The following KLHL4 variants were observed in gnomAD, a reference collection of about 807,000 sequenced individuals.
KLHL4 encodes kelch like family member 4.
KLHL4 carries 17 observed loss-of-function variants against 45.8 expected under a neutral mutation model. That is an observed-to-expected ratio of 0.37 (90% CI 0.25 to 0.56). The LOEUF is 0.56. Among genes scored for constraint, KLHL4 ranks in the 20% least tolerant of loss-of-function variants. The probability of loss-of-function intolerance (pLI) is 0.79; values close to 1 mark genes in which losing one functional copy is unlikely to be tolerated. For missense variants in KLHL4, 544 were observed against 544.9 expected (o/e 1.00, Z 0.02); for synonymous variants, 224 against 189.9 (o/e 1.18, Z -1.47).
chrX:87,551,011 C>G (rs1931802188), intron 1 of KLHL4, among the ~76,000 whole-genome samples: 1 of 111,103 alleles, frequency 9.0e-6, no homozygotes, highest in Non-Finnish European at 1.9e-5. Context: ...CCAGAGCAAT[C>G]AGACAAGAGA....
chrX:87,522,916 T>A (rs1411908857), intron 1 of KLHL4, among the ~76,000 whole-genome samples: 1 of 111,794 alleles, frequency 8.9e-6, no homozygotes, highest in Non-Finnish European at 1.9e-5. Context: ...ACGTATATAA[T>A]TAAGTTAACA....
chrX:87,614,863 A>G (rs1430521221), intron 3 of KLHL4, among the ~76,000 whole-genome samples: 4 of 111,146 alleles, frequency 3.6e-5, no homozygotes, highest in African/African-American at 9.8e-5. Context: ...TAACACAAAC[A>G]TACAGGAACA....
intron 9 of KLHL4, among the ~76,000 whole-genome samples, chrX:87,653,382 C>A (rs183528464): frequency 1.8e-5 from 2 of 111,730 alleles, no homozygotes; most frequent in East Asian, 5.7e-4. Flanking sequence ...AAAAAAAGCT[C>A]AACATCACTT....
chrX:87,591,366 A>C (rs182821858), intron 1 of KLHL4, among the ~76,000 whole-genome samples: 1 of 112,253 alleles, frequency 8.9e-6, no homozygotes, highest in Admixed American at 9.5e-5. Flanking sequence ...AAATTTAAGG[A>C]GTACAAGTAC....
Position 87,565,394 on chromosome X carries a change from G to T in KLHL4, c.422+47079G>T, listed in dbSNP as rs1932184747. Among the ~76,000 whole-genome samples, 4 of 111,073 alleles carry T rather than the reference G, an allele frequency of 3.6e-5. No individual in the cohort carries two copies. In the South Asian group the frequency reaches 1.5e-3, roughly 42 times the overall value. On this transcript the variant is annotated intron_variant, in intron 1 of 10. Transcript: ENST00000373119. ...AGTAAAATTGACAAACCTTTAGCTA[G>T]CCTGACCAAGTTAATATGAGAGGCC...
At chrX:87,657,829 C>T (rs148113859) in intron 9 of KLHL4, among the ~76,000 whole-genome samples, 1,773 of 111,850 alleles carry the variant, frequency 0.016, 20 homozygotes, top group Non-Finnish European at 0.024. Context: ...GATGGGGCTG[C>T]ATCAGGCATA....
Position 87,667,195 on chromosome X carries a change from C to T in KLHL4, c.*661C>T. Reference sequence around the variant, plus strand: ...GAGCACACATATAAATTTGGTATTTCTTAACATATTATCTTGTTAGATTTG... The same window carrying T: ...GAGCACACATATAAATTTGGTATTTTTTAACATATTATCTTGTTAGATTTG... On this transcript the variant is annotated 3_prime_UTR_variant, in exon 11 of 11. Coordinates refer to ENST00000373119, the MANE Select transcript of KLHL4 (RefSeq NM_019117.5). The T allele has an allele frequency of 2.7e-6, 2 of 740,943 alleles. No individual in the cohort carries two copies. The highest frequency in any genetic ancestry group is 3.2e-6 in the Non-Finnish European group (2 of 627,502). The allele number at this position is 740,943 out of a possible 1,213,427, so 61.1% of individuals were successfully genotyped here. A position where few individuals can be genotyped will look rare whatever the true frequency, so the allele number is the denominator to read the frequency against.
chrX:87,666,723 C>T lies in KLHL4; in HGVS notation c.*189C>T, dbSNP rs1215510854. On this transcript the variant is annotated 3_prime_UTR_variant, in exon 11 of 11. Transcript: ENST00000373119. Reference sequence around the variant, plus strand: ...CCGAAACGTTTTTAAACATGAATTACATATGAATTATTAAGCATATGTGCT... The same window carrying T: ...CCGAAACGTTTTTAAACATGAATTATATATGAATTATTAAGCATATGTGCT... 2.1e-6 allele frequency: 2 copies of T among 972,037 alleles called. No individual in the cohort carries two copies. The highest frequency in any genetic ancestry group is 4.0e-5 in the East Asian group (1 of 24,707). 80.1% of individuals were successfully genotyped at this position (972,037 alleles called of 1,213,427 possible).
Position 87,655,202 on chromosome X carries a change from A to T in KLHL4, c.1926-9562A>T, listed in dbSNP as rs1227133997. Among the ~76,000 whole-genome samples the T allele has an allele frequency of 3.6e-5, 4 of 111,732 alleles. No individual in the cohort carries two copies. The East Asian group carries it at 1.1e-3, about 32-fold the overall frequency. On this transcript the variant is annotated intron_variant, in intron 9 of 10. Coordinates refer to ENST00000373119, the MANE Select transcript of KLHL4 (RefSeq NM_019117.5). ...TCATTGCCTGTGCTTTTGAGGTCTT[A>T]GTCAGGAATTTTTTGCCAAGGCCAT...
At chrX:87,599,053 T>C (rs1921926864) in intron 1 of KLHL4, among the ~76,000 whole-genome samples, 1 of 110,648 alleles carries the variant, frequency 9.0e-6, no homozygotes, top group Non-Finnish European at 1.9e-5. Flanking sequence ...ATTTGTTGTA[T>C]AAGTTATCAA....
chrX:87,544,550 T>C (rs2147774865), intron 1 of KLHL4, among the ~76,000 whole-genome samples: 1 of 111,807 alleles, frequency 8.9e-6, no homozygotes, highest in South Asian at 3.8e-4. Flanking sequence ...TTTATAGTGA[T>C]GGTGGCCACA....
chrX:87,533,407 A>G (rs1931350293), intron 1 of KLHL4, among the ~76,000 whole-genome samples: 2 of 100,299 alleles, frequency 2.0e-5, no homozygotes, highest in South Asian at 1.0e-3. Context: ...CTTTGTAGGG[A>G]CATGGATGAA....
intron 1 of KLHL4, among the ~76,000 whole-genome samples, chrX:87,520,964 A>C (rs1930988043): frequency 8.9e-6 from 1 of 112,080 alleles, no homozygotes; most frequent in African/African-American, 3.2e-5. Flanking sequence ...TGCTTACTGC[A>C]TTTACTGAAA....
chrX:87,599,052 A>G lies in KLHL4; in HGVS notation c.423-14825A>G, dbSNP rs778120868. On this transcript the variant is annotated intron_variant, in intron 1 of 10. Transcript: ENST00000373119. ...GTGTTTACATAACATAATTTGTTGT[A>G]TAAGTTATCAAAATTAATATATTTT... Among the ~76,000 whole-genome samples the G allele has an allele frequency of 4.5e-5, 5 of 110,622 alleles. No individual in the cohort carries two copies. The South Asian group carries it at 1.8e-3, about 40-fold the overall frequency.
At chrX:87,653,620 C>T (rs772555086) in intron 9 of KLHL4, among the ~76,000 whole-genome samples, 1 of 111,710 alleles carries the variant, frequency 9.0e-6, no homozygotes, top group African/African-American at 3.3e-5. Context: ...CCAGCAATCT[C>T]ATTACTGGGT....
intron 1 of KLHL4, among the ~76,000 whole-genome samples, chrX:87,595,064 C>A (rs773562084): frequency 5.1e-4 from 55 of 107,973 alleles, no homozygotes; most frequent in African/African-American, 1.8e-3. Flanking sequence ...TACACGTGCA[C>A]AACGTGCAGG....
intron 1 of KLHL4, among the ~76,000 whole-genome samples, chrX:87,567,475 G>A (rs765440227): frequency 5.0e-4 from 56 of 111,076 alleles, no homozygotes; most frequent in Non-Finnish European, 7.7e-4. Context: ...CTGGGTATAC[G>A]CCCACAGAAG....
Position 87,644,613 on chromosome X carries a change from A to G in KLHL4, c.1925+8838A>G, listed in dbSNP as rs978757253. ...TCATAGCCAAAGCAAGACTAAGGACAAGAACAAATATGGAGGCATCTCACA... is the reference window on the plus strand; with the variant it reads ...TCATAGCCAAAGCAAGACTAAGGACGAGAACAAATATGGAGGCATCTCACA... On this transcript the variant is annotated intron_variant, in intron 9 of 10. Transcript: ENST00000373119. Among the ~76,000 whole-genome samples the G allele has an allele frequency of 1.1e-4, 12 of 111,881 alleles. No individual in the cohort carries two copies. In the Admixed American group the frequency reaches 1.1e-3, roughly 11 times the overall value.
In KLHL4 at chrX:87,588,409, T is replaced by C. The variant is rs775764087; in HGVS notation, c.423-25468T>C. Reference sequence around the variant, plus strand: ...GACTTCAAATTATACTGCAAAGCTATAGTAACCAAAACAGCATGTTACTGG... The same window carrying C: ...GACTTCAAATTATACTGCAAAGCTACAGTAACCAAAACAGCATGTTACTGG... On this transcript the variant is annotated intron_variant, in intron 1 of 10. Transcript: ENST00000373119. Among the ~76,000 whole-genome samples the C allele has an allele frequency of 4.5e-5, 5 of 111,835 alleles. No individual in the cohort carries two copies. In the East Asian group the frequency reaches 1.4e-3, roughly 31 times the overall value.
Sources: gnomAD v4.1 joint callset for allele counts (sites outside exome capture counted in the v4.1 genomes callset) on GRCh38, gnomAD v4.1.1 for gene constraint, MANE v1.5 for transcripts, NCBI Gene and HGNC (gene_info 2026-07-23, HGNC 2026-07-21) for gene names.